The following RSU1 variants were observed in gnomAD, a reference collection of about 807,000 sequenced individuals.
The protein encoded by RSU1 is Ras suppressor protein 1.
A neutral mutation model predicts 31.1 loss-of-function variants in RSU1; 26 were observed. The ratio of observed to expected loss-of-function variants is 0.84; its 90% CI spans 0.61 to 1.16. The LOEUF (loss-of-function observed/expected upper bound fraction) is 1.16, where lower values mean the gene tolerates loss of function less well. Ranked by LOEUF, RSU1 falls within the 50% of genes most tolerant of loss-of-function variation. RSU1 has a pLI of 0.00. For synonymous variants in RSU1, 164 were observed against 136.3 expected, an observed-to-expected ratio of 1.20 and a Z score of -1.41; for missense variants, 320 against 339.1, an observed-to-expected ratio of 0.94 and a Z score of 0.44.
At position 16,733,532 on chromosome 10, in the gene RSU1, GA is replaced by G. The variant is rs201257927; in HGVS notation, c.598+19006del. ...CAAAACAAACAAACAAACAAAAACA[GA>G]AAACCCAATGTTATTCAAAGTGGTG... On this transcript the variant is annotated intron_variant, in intron 7 of 8. Transcript: ENST00000345264. 2.5e-4 allele frequency among the ~76,000 whole-genome samples: 38 copies of G among 151,830 alleles called. 1 individual carries two copies. In the East Asian group the frequency reaches 7.4e-3, roughly 29 times the overall value.
At chr10:16,597,999 C>T (rs541740896) in intron 8 of RSU1, among the ~76,000 whole-genome samples, 3 of 152,358 alleles carry the variant, frequency 2.0e-5, no homozygotes, top group South Asian at 2.1e-4. Context: ...CAACAAGCTC[C>T]AAAGTCTGGT....
At position 16,672,153 on chromosome 10, in the gene RSU1, A is replaced by C. The variant is rs900373848; in HGVS notation, c.731+22870T>G. Among the ~76,000 whole-genome samples the C allele has an allele frequency of 6.0e-5, 9 of 150,594 alleles. No homozygotes were observed. The South Asian group carries it at 8.4e-4, about 14-fold the overall frequency. On this transcript the variant is annotated intron_variant, in intron 8 of 8. Transcript: ENST00000345264. ...CTCTACTAAAAATACAAAAAAAAAA[A>C]AAAAAAATTAGCCAGGCGTGGTGGC...
chr10:16,670,385 A>T (rs896028107), intron 8 of RSU1, among the ~76,000 whole-genome samples: 1 of 152,204 alleles, frequency 6.6e-6, no homozygotes, highest in Non-Finnish European at 1.5e-5. Flanking sequence ...CAAAGCAGCT[A>T]GCAATGCATA....
chr10:16,790,704 A>G (rs1327714602), intron 2 of RSU1, among the ~76,000 whole-genome samples: 1 of 152,038 alleles, frequency 6.6e-6, no homozygotes, highest in Non-Finnish European at 1.5e-5. Flanking sequence ...CCTGGTGGGA[A>G]GTGACTGGAT....
chr10:16,715,173 G>C (rs894812380), intron 7 of RSU1, among the ~76,000 whole-genome samples: 1 of 152,212 alleles, frequency 6.6e-6, no homozygotes, highest in African/African-American at 2.4e-5. Context: ...TTGAAATATA[G>C]TTGTTTACTT....
At chr10:16,771,536 G>T (rs2131637612) in intron 3 of RSU1, among the ~76,000 whole-genome samples, 1 of 152,082 alleles carries the variant, frequency 6.6e-6, no homozygotes, top group East Asian at 1.9e-4. Flanking sequence ...TCATTTTAAT[G>T]ATTATACATA....
chr10:16,620,465 G>A (rs1001236609), intron 8 of RSU1, among the ~76,000 whole-genome samples: 1 of 151,640 alleles, frequency 6.6e-6, no homozygotes, highest in Non-Finnish European at 1.5e-5. Context: ...TACAGTGGGG[G>A]AACCAGATGT....
At chr10:16,677,359 G>A (rs1295607793) in intron 8 of RSU1, among the ~76,000 whole-genome samples, 1 of 152,136 alleles carries the variant, frequency 6.6e-6, no homozygotes. Context: ...TAGGAACACA[G>A]AAGTCAATAA....
At chr10:16,708,701 C>G (rs1835956198) in intron 7 of RSU1, among the ~76,000 whole-genome samples, 1 of 152,008 alleles carries the variant, frequency 6.6e-6, no homozygotes, top group Non-Finnish European at 1.5e-5. Flanking sequence ...ATTAATTCTT[C>G]CAAACCATGA....
At chr10:16,812,372 G>A (rs1266213867) in intron 2 of RSU1, among the ~76,000 whole-genome samples, 1 of 152,160 alleles carries the variant, frequency 6.6e-6, no homozygotes, top group African/African-American at 2.4e-5. Context: ...AACCCAAGAG[G>A]TGGAGGCTGC....
At chr10:16,644,842 C>T (rs1834506818) in intron 8 of RSU1, among the ~76,000 whole-genome samples, 2 of 152,132 alleles carry the variant, frequency 1.3e-5, no homozygotes, top group African/African-American at 4.8e-5. Context: ...TTTAAGAAAA[C>T]ACCAGTACAA....
intron 7 of RSU1, among the ~76,000 whole-genome samples, chr10:16,745,933 T>A (rs1259917345): frequency 2.0e-5 from 3 of 152,216 alleles, no homozygotes; most frequent in Non-Finnish European, 4.4e-5. Context: ...AAGACACTTA[T>A]AATCAGGGAC....
intron 7 of RSU1, among the ~76,000 whole-genome samples, chr10:16,709,858 ATTTG>A (rs1172086612): frequency 1.3e-5 from 2 of 151,954 alleles, no homozygotes; most frequent in Non-Finnish European, 2.9e-5. Flanking sequence ...TTTCTTGTAA[ATTTG>A]TTTGAGTTCA....
intron 2 of RSU1, among the ~76,000 whole-genome samples, chr10:16,792,638 A>G (rs538924823): frequency 6.6e-6 from 1 of 152,378 alleles, no homozygotes; most frequent in East Asian, 1.9e-4. Context: ...TGCAGGCTGC[A>G]CTATTCCAAT....
At chr10:16,639,609 A>G (rs1834404296) in intron 8 of RSU1, among the ~76,000 whole-genome samples, 2 of 152,348 alleles carry the variant, frequency 1.3e-5, no homozygotes, top group South Asian at 4.1e-4. Context: ...GGGATCCTTG[A>G]TATGTCATTT....
chr10:16,629,730 A>T (rs1185499566), intron 8 of RSU1, among the ~76,000 whole-genome samples: 1 of 152,116 alleles, frequency 6.6e-6, no homozygotes, highest in Non-Finnish European at 1.5e-5. Context: ...TGTATCTGTC[A>T]TTACCTCTGT....
At chr10:16,717,749 T>C (rs1836172099) in intron 7 of RSU1, among the ~76,000 whole-genome samples, 2 of 151,858 alleles carry the variant, frequency 1.3e-5, no homozygotes, top group African/African-American at 4.8e-5. Context: ...TCAAGAAAAA[T>C]GAAAGCAAAT....
intron 7 of RSU1, among the ~76,000 whole-genome samples, chr10:16,714,112 G>T (rs1403688497): frequency 6.6e-6 from 1 of 152,138 alleles, no homozygotes; most frequent in African/African-American, 2.4e-5. Context: ...GCTTTTCAGG[G>T]AGGTGGGGCC....
intron 4 of RSU1, among the ~76,000 whole-genome samples, chr10:16,759,337 CA>C (rs5783516): frequency 0.05 from 7,458 of 147,834 alleles, 347 homozygotes; most frequent in East Asian, 0.15. Context: ...CCGTCTATAC[CA>C]AAAAAAAAAC....
Sources: allele counts gnomAD v4.1 joint callset (sites outside exome capture counted in the v4.1 genomes callset), GRCh38; gene constraint gnomAD v4.1.1; transcripts MANE v1.5; gene names NCBI Gene and HGNC (gene_info 2026-07-23, HGNC 2026-07-21).